The following FLNB variants were observed in gnomAD, a reference collection of about 807,000 sequenced individuals.
FLNB encodes the protein filamin B.
Under a neutral mutation model 250.6 loss-of-function variants are expected in FLNB, and 111 were observed. The observed-to-expected ratio is 0.44, with a 90% CI of 0.38 to 0.52. The LOEUF (loss-of-function observed/expected upper bound fraction) is 0.52, where lower values mean the gene tolerates loss of function less well. Among genes scored for constraint, FLNB ranks in the 20% least tolerant of loss-of-function variants. The pLI is 0.00. For missense variants in FLNB, 2,869 were observed against 3,447.8 expected (o/e 0.83, Z 4.20); for synonymous variants, 1,302 against 1,372.1 (o/e 0.95, Z 1.13).
Position 58,012,114 on chromosome 3 carries a change from G to A in FLNB, c.292+3258G>A, listed in dbSNP as rs185241945. 5.3e-5 allele frequency among the ~76,000 whole-genome samples: 8 copies of A among 151,736 alleles called. No homozygotes were observed. In the East Asian group the frequency reaches 1.6e-3, roughly 29 times the overall value. On this transcript the variant is annotated intron_variant, in intron 1 of 45. Coordinates refer to ENST00000295956, the MANE Select transcript of FLNB (RefSeq NM_001457.4). ...TAGTCCCAGCTACTCGGGAGGCTGA[G>A]GCAGGAGAATTGCTTGAACCCGGGA...
chr3:58,106,794 T>C lies in FLNB; in HGVS notation c.1862T>C (p.Met621Thr), dbSNP rs1403410798. The stretch of plus-strand genomic sequence containing the variant: ...CCTGGCGAATATGCTGTTCACATCA[T>C]GTGTGACGACGAAGACATCAAGGAC... ...KEPGEYAVHI[M>T]CDDEDIKDSP... Residue 621 changes from methionine (M) to threonine (T), a missense_variant, in exon 12 of 46, where the codon ATG becomes ACG. By Grantham distance (81) the Met-to-Thr change is moderately conservative (BLOSUM62 -1). Coordinates refer to ENST00000295956, the MANE Select transcript of FLNB (RefSeq NM_001457.4). 13 of 1,614,116 alleles carry C rather than the reference T, an allele frequency of 8.1e-6. No homozygotes were observed. Among genetic ancestry groups the C allele is most frequent in the East Asian group, 4.5e-5 (2 of 44,878 alleles).
At position 58,135,859 on chromosome 3, in the gene FLNB, T is replaced by C. The variant is rs1276977703; in HGVS notation, c.4672-120T>C. On this transcript the variant is annotated intron_variant, in intron 27 of 45. Transcript: ENST00000295956. ...AAAACAAAACAAAACTAGATTGTAT[T>C]AAGCCATCAATTCTGTCTGTTTCCA... 2.2e-5 allele frequency: 23 copies of C among 1,024,626 alleles called. No homozygotes were observed. In the Admixed American group the frequency reaches 4.1e-4, roughly 18 times the overall value. 63.5% of individuals were successfully genotyped at this position (1,024,626 alleles called of 1,614,324 possible). A position where few individuals can be genotyped will look rare whatever the true frequency, so the allele number is the denominator to read the frequency against.
chr3:58,124,256 C>G, intron 21 of FLNB, 76 bp from the exon 22 acceptor site: 2 of 1,521,944 alleles, frequency 1.3e-6, no homozygotes. Context: ...CCTGAAGTGC[C>G]AAGAACCTTG....
rs200336490 is a variant in FLNB at position 58,095,225 on chromosome 3, G to GTATTTATTTATTTATT, written c.906+274_906+275insTTATTTATTTATTTAT. Among the ~76,000 whole-genome samples the GTATTTATTTATTTATT allele has an allele frequency of 0.022, 2,137 of 95,956 alleles. 33 individuals are homozygous for GTATTTATTTATTTATT. Among genetic ancestry groups the GTATTTATTTATTTATT allele is most frequent in the African/African-American group, 0.059 (1,607 of 27,058 alleles). The allele number at this position is 95,956 out of a possible 152,430, so 63.0% of individuals were successfully genotyped here. On this transcript the variant is annotated intron_variant, in intron 5 of 45. Coordinates refer to ENST00000295956, the MANE Select transcript of FLNB (RefSeq NM_001457.4). Reference sequence around the variant, plus strand: ...AGGTGCCTTGTCAGTTGAGGTTTATGTATGTATTTATTTATTTATTTATTT... The same window carrying GTATTTATTTATTTATT: ...AGGTGCCTTGTCAGTTGAGGTTTATGTATTTATTTATTTATTTATGTATTTATTTATTTATTTATTT...
At position 58,124,447 on chromosome 3, in the gene FLNB, C is replaced by T. The variant is rs760101845; in HGVS notation, c.3840C>T (p.Cys1280=). Residue 1280 remains cysteine (C), a synonymous_variant, in exon 22 of 46, where the codon TGC becomes TGT. Coordinates refer to ENST00000295956, the MANE Select transcript of FLNB (RefSeq NM_001457.4). The part of the protein sequence containing the change: ...IANPSGASTE[C]FVTDNADGTY... ...ACCCCTCAGGGGCCTCCACCGAGTG[C>T]TTTGTCACAGACAATGCGGATGGGA... 6.2e-7 allele frequency: 1 copy of T among 1,614,246 alleles called. No homozygotes were observed. The highest frequency in any genetic ancestry group is 8.5e-7 in the Non-Finnish European group (1 of 1,180,036).
In FLNB at chr3:58,110,041, C is replaced by T. The variant is rs1364449182; in HGVS notation, c.2355C>T (p.Ala785=). The T allele has an allele frequency of 1.2e-6, 2 of 1,613,884 alleles. No homozygotes were observed. The highest frequency in any genetic ancestry group is 2.7e-5 in the African/African-American group (2 of 74,860). ...TCAGTGTTGGCATTAAGTGTGATGC[C>T]CGGGTGTTAAGTGAAGATGAGGAAG... ...GDVSVGIKCD[A]RVLSEDEEDV... Residue 785 remains alanine (A), a synonymous_variant, in exon 16 of 46, where the codon GCC becomes GCT. Coordinates refer to ENST00000295956, the MANE Select transcript of FLNB (RefSeq NM_001457.4).
At chr3:58,075,152 G>A (rs1452949793) in intron 1 of FLNB, among the ~76,000 whole-genome samples, 3 of 152,012 alleles carry the variant, frequency 2.0e-5, no homozygotes, top group Non-Finnish European at 4.4e-5. Flanking sequence ...TGTGGTCGTG[G>A]TTGGGTTTCA....
chr3:58,089,106 TC>T (rs1374087547), intron 4 of FLNB, among the ~76,000 whole-genome samples: 3 of 146,262 alleles, frequency 2.1e-5, no homozygotes, highest in African/African-American at 7.6e-5. Flanking sequence ...ATATCCAGTT[TC>T]AAAAAAAAAA....
chr3:58,074,097 T>G lies in FLNB; in HGVS notation c.293-2949T>G, dbSNP rs758705943. 5.8e-4 allele frequency among the ~76,000 whole-genome samples: 88 copies of G among 152,304 alleles called. 1 individual carries two copies. Among genetic ancestry groups the G allele is most frequent in the Admixed American group, 1.2e-3 (18 of 15,304 alleles). ...TTTCCCCACACTCAGGAAGAACCCA[T>G]GATATAAAGGCTTTCAGTAAAGGAG... On this transcript the variant is annotated intron_variant, in intron 1 of 45. Coordinates refer to ENST00000295956, the MANE Select transcript of FLNB (RefSeq NM_001457.4).
chr3:58,128,775 G>A (rs1559715119), intron 24 of FLNB, among the ~76,000 whole-genome samples: 2 of 152,220 alleles, frequency 1.3e-5, no homozygotes, highest in African/African-American at 4.8e-5. Flanking sequence ...AGGGGTCAGA[G>A]TTTGTCCCCT....
intron 28 of FLNB, 47 bp from the exon 29 acceptor site, chr3:58,138,235 G>T: frequency 1.2e-6 from 2 of 1,612,056 alleles, no homozygotes; most frequent in Non-Finnish European, 1.7e-6. Context: ...TGGGCCTCCA[G>T]GATGTGTGTC....
chr3:58,139,428 G>A (rs576249687), intron 29 of FLNB, among the ~76,000 whole-genome samples: 8 of 152,174 alleles, frequency 5.3e-5, no homozygotes, highest in Non-Finnish European at 1.0e-4. Context: ...AGCCGACAAA[G>A]CACCTTCTAA....
chr3:58,077,455 G>T (rs2097203282), intron 2 of FLNB, among the ~76,000 whole-genome samples, 161 bp downstream of exon 2: 1 of 152,210 alleles, frequency 6.6e-6, no homozygotes, highest in African/African-American at 2.4e-5. Flanking sequence ...AACTGGCTCT[G>T]TGTACCCTTC....
chr3:58,158,769 C>T (rs750893699), intron 41 of FLNB, among the ~76,000 whole-genome samples: 9 of 152,104 alleles, frequency 5.9e-5, no homozygotes, highest in Admixed American at 2.6e-4. Flanking sequence ...TGAAACTGAT[C>T]CAGGGAAGAG....
At chr3:58,135,061 C>T (rs991695300) in intron 27 of FLNB, among the ~76,000 whole-genome samples, 1 of 152,002 alleles carries the variant, frequency 6.6e-6, no homozygotes, top group African/African-American at 2.4e-5. Context: ...CCATGTTGCC[C>T]AATCTGGTCT....
intron 1 of FLNB, among the ~76,000 whole-genome samples, chr3:58,063,250 C>A (rs1176881906): frequency 6.6e-6 from 1 of 152,216 alleles, no homozygotes; most frequent in African/African-American, 2.4e-5. Context: ...CAGCCAGCGA[C>A]CTGCCCTTTC....
intron 1 of FLNB, among the ~76,000 whole-genome samples, chr3:58,043,917 G>A (rs2097149813): frequency 6.6e-6 from 1 of 152,112 alleles, no homozygotes; most frequent in Non-Finnish European, 1.5e-5. Flanking sequence ...CCTGCAGCAG[G>A]GCCTCAGGAA....
intron 4 of FLNB, among the ~76,000 whole-genome samples, chr3:58,082,550 C>T (rs1206299658): frequency 1.3e-5 from 2 of 152,104 alleles, no homozygotes; most frequent in African/African-American, 4.8e-5. Flanking sequence ...GCGGGCAGAT[C>T]ACCTGAGGTC....
chr3:58,044,422 C>T (rs961635662), intron 1 of FLNB, among the ~76,000 whole-genome samples: 1 of 148,458 alleles, frequency 6.7e-6, no homozygotes, highest in Non-Finnish European at 1.5e-5. Flanking sequence ...CATAAAGAGA[C>T]CCTGTCTCTA....
Sources: allele counts gnomAD v4.1 joint callset (sites outside exome capture counted in the v4.1 genomes callset), GRCh38; gene constraint gnomAD v4.1.1; transcripts MANE v1.5; gene names NCBI Gene and HGNC (gene_info 2026-07-23, HGNC 2026-07-21).